Variants in LHX1 observed in about 807,000 individuals in gnomAD.
LHX1 encodes the protein LIM homeobox 1, also known as LIM/homeobox protein Lhx1.
In LHX1, 9 loss-of-function variants were observed where a neutral mutation model predicts 34.1. The observed-to-expected ratio is 0.26, with a 90% CI of 0.16 to 0.46. LHX1 has a LOEUF of 0.46. Among genes scored for constraint, LHX1 ranks in the 20% least tolerant of loss-of-function variants. The pLI is 1.00. For missense variants in LHX1, 446 were observed against 559.1 expected, an observed-to-expected ratio of 0.80 and a Z score of 2.04; for synonymous variants, 254 against 241.5, an observed-to-expected ratio of 1.05 and a Z score of -0.48.
chr17:36,943,467 G>C lies in LHX1; in HGVS notation c.*336G>C, dbSNP rs1441941992. The C allele has an allele frequency of 3.6e-6, 1 of 274,370 alleles. No individual in the cohort carries two copies. The highest frequency in any genetic ancestry group is 6.8e-6 in the Non-Finnish European group (1 of 147,276). 17.0% of individuals were successfully genotyped at this position (274,370 alleles called of 1,614,324 possible). A position where few individuals can be genotyped will look rare whatever the true frequency, so the allele number is the denominator to read the frequency against. ...CCTGGCAGGCGGGCGGCGAAAAGACGTCCAGGGCAGCCGCGGGTGCGCACA... is the reference window on the plus strand; with the variant it reads ...CCTGGCAGGCGGGCGGCGAAAAGACCTCCAGGGCAGCCGCGGGTGCGCACA... On this transcript the variant is annotated 3_prime_UTR_variant, in exon 5 of 5. Coordinates refer to ENST00000614239, the MANE Select transcript of LHX1 (RefSeq NM_005568.5).
intron 1 of LHX1, 88 bp downstream of exon 1, chr17:36,938,455 T>C: frequency 2.2e-6 from 3 of 1,381,018 alleles, no homozygotes; most frequent in Non-Finnish European, 3.1e-6. Flanking sequence ...GTGGCCTCGC[T>C]GCCCAGTTAG....
chr17:36,937,228 G>T (rs1216849321), upstream of LHX1: 2 of 453,072 alleles, frequency 4.4e-6, no homozygotes, highest in Non-Finnish European at 8.9e-6. Flanking sequence ...CTGGAGCCAC[G>T]ATGCACGGCC....
chr17:36,942,384 G>C lies in LHX1; in HGVS notation c.841+19G>C. 2.6e-6 allele frequency: 4 copies of C among 1,567,172 alleles called. No individual in the cohort carries two copies. Among genetic ancestry groups the C allele is most frequent in the Non-Finnish European group, 3.5e-6 (4 of 1,157,102 alleles). ...TACGGAGGTGGGTGCGCGCCGAATG[G>C]CGGGGCGCGGCCAGGTCGGGGCGGG... is the stretch of plus-strand genomic sequence containing the variant. On this transcript the variant is annotated intron_variant, in intron 4 of 4. Transcript: ENST00000614239.
Position 36,940,285 on chromosome 17 carries a change from C to T in LHX1, c.171-5C>T. ...CCCCCGCCCCCCACCCCCACCCCCCCGCAGGTGTTTCGGTACCAAATGCGC... is the reference window on the plus strand; with the variant it reads ...CCCCCGCCCCCCACCCCCACCCCCCTGCAGGTGTTTCGGTACCAAATGCGC... On this transcript the variant is annotated splice_polypyrimidine_tract_variant and splice_region_variant and intron_variant, in intron 1 of 4. Transcript: ENST00000614239. 2 of 1,339,892 alleles carry T rather than the reference C, an allele frequency of 1.5e-6. No homozygotes were observed. The highest frequency in any genetic ancestry group is 2.1e-6 in the Non-Finnish European group (2 of 975,142). The allele number at this position is 1,339,892 out of a possible 1,614,324, so 83.0% of individuals were successfully genotyped here.
intron 1 of LHX1, chr17:36,938,590 T>A (rs2070744802): frequency 3.2e-6 from 2 of 633,434 alleles, no homozygotes; most frequent in South Asian, 1.8e-5. Flanking sequence ...TTTGGCTGCA[T>A]GTGCCTGGGA....
At chr17:36,942,514 G>A in intron 4 of LHX1, 149 bp downstream of exon 4, 4 of 961,250 alleles carry the variant, frequency 4.2e-6, no homozygotes, top group Non-Finnish European at 6.1e-6. Flanking sequence ...ATCAAGGGGA[G>A]GCGGCGAGAC....
chr17:36,940,732 C>A lies in LHX1; in HGVS notation c.520C>A (p.Gln174Lys), dbSNP rs755972632. ...AGCGGGTAGCAACGAGAATGACGACCAGAACCTGGGCGCCAAGCGGCGGGG... is the reference window on the plus strand; with the variant it reads ...AGCGGGTAGCAACGAGAATGACGACAAGAACCTGGGCGCCAAGCGGCGGGG... Reference protein sequence around the residue: ...KEAGSNENDDQNLGAKRRGPR... With the variant: ...KEAGSNENDDKNLGAKRRGPR... Residue 174 changes from glutamine to lysine, a missense_variant, in exon 3 of 5, where the codon CAG becomes AAG. By Grantham distance (53) the Gln-to-Lys change is moderately conservative (BLOSUM62 1). Around this residue, in one of 3 missense-constraint regions of LHX1, gnomAD observed 168 missense variants for 226.6 expected, o/e 0.74. Transcript: ENST00000614239. 6.2e-6 allele frequency: 10 copies of A among 1,613,642 alleles called. No individual in the cohort carries two copies. Among genetic ancestry groups the A allele is most frequent in the Non-Finnish European group, 8.5e-6 (10 of 1,180,058 alleles).
intron 3 of LHX1, chr17:36,941,406 C>A (rs1045862213): frequency 6.0e-6 from 2 of 330,758 alleles, no homozygotes; most frequent in East Asian, 8.2e-5. Context: ...CTGCTTCCAG[C>A]GGGTTGGAGT....
intron 3 of LHX1, chr17:36,941,412 G>A: frequency 3.0e-6 from 1 of 332,538 alleles, no homozygotes; most frequent in South Asian, 2.4e-5. Flanking sequence ...CCAGCGGGTT[G>A]GAGTGAAATT....
Position 36,938,518 on chromosome 17 carries a change from A to G in LHX1, c.170+151A>G, listed in dbSNP as rs921915511. On this transcript the variant is annotated intron_variant, in intron 1 of 4. Transcript: ENST00000614239. ...TCCCGCGGGCGCCCGCCTCTCCGCC[A>G]GCTGGCGCGCTGGGAGCCCGGGACG... The G allele has an allele frequency of 1.2e-3, 925 of 781,080 alleles. 5 individuals carry two copies. The highest frequency in any genetic ancestry group is 3.4e-4 in the Middle Eastern group (1 of 2,924). 48.4% of individuals were successfully genotyped at this position (781,080 alleles called of 1,614,324 possible).
Position 36,943,102 on chromosome 17 carries a change from C to T in LHX1, c.1192C>T (p.Pro398Ser), listed in dbSNP as rs915270470. ...CTACGGAAACCACCTGTCCCACCCCCCCGAAATGAACGAGGCGGCCGTGTG... is the reference window on the plus strand; with the variant it reads ...CTACGGAAACCACCTGTCCCACCCCTCCGAAATGAACGAGGCGGCCGTGTG... ...ASYGNHLSHP[P>S]EMNEAAVW is the part of the protein sequence containing the mutation. The change falls in exon 5 of 5, where the codon CCC becomes TCC. Residue 398 changes from proline (P) to serine (S), a missense_variant. Physicochemically the swap from Pro to Ser is moderately conservative, Grantham distance 74. This residue lies in a region of LHX1 where 235 missense variants were observed against 224.4 expected (regional missense o/e 1.05). Coordinates refer to ENST00000614239, the MANE Select transcript of LHX1 (RefSeq NM_005568.5). The T allele has an allele frequency of 9.9e-6, 16 of 1,612,260 alleles. No individual in the cohort carries two copies. In the Admixed American group the frequency reaches 2.7e-4, roughly 27 times the overall value.
chr17:36,939,626 C>T (rs1358804553), intron 1 of LHX1, among the ~76,000 whole-genome samples: 1 of 152,256 alleles, frequency 6.6e-6, no homozygotes, highest in Non-Finnish European at 1.5e-5. Flanking sequence ...GGTCCCTGAG[C>T]CTGGCTTCCA....
At chr17:36,936,870 G>T (rs1331225366), upstream of LHX1, 1 of 210,956 alleles carries the variant, frequency 4.7e-6, no homozygotes, top group East Asian at 1.9e-4. Flanking sequence ...GGGACTGAGG[G>T]ACGCGCCCGG....
upstream of LHX1, chr17:36,937,187 G>A (rs1423977808): frequency 4.4e-6 from 2 of 453,046 alleles, no homozygotes; most frequent in Non-Finnish European, 8.9e-6. Flanking sequence ...AGCGATGCGG[G>A]GCTGTGCGCC....
At chr17:36,941,760 G>A (rs1178036398) in intron 3 of LHX1, among the ~76,000 whole-genome samples, 1 of 152,220 alleles carries the variant, frequency 6.6e-6, no homozygotes, top group African/African-American at 2.4e-5. Flanking sequence ...GGAGATTGTA[G>A]GTTTTGGTAT....
At chr17:36,937,456 G>A (rs1277783762), upstream of LHX1, 1 of 321,914 alleles carries the variant, frequency 3.1e-6, no homozygotes, top group African/African-American at 2.3e-5. Flanking sequence ...GGAAACCTAA[G>A]CAACAACAGC....
intron 3 of LHX1, chr17:36,941,305 A>G (rs575360549): frequency 1.0e-5 from 4 of 386,292 alleles, no homozygotes; most frequent in Non-Finnish European, 2.0e-5. Flanking sequence ...TAAGTCTGCA[A>G]CTCCAACTTT....
chr17:36,942,480 G>A, intron 4 of LHX1, 115 bp downstream of exon 4: 2 of 1,153,492 alleles, frequency 1.7e-6, no homozygotes, highest in Non-Finnish European at 2.5e-6. Flanking sequence ...GAGTTGGGGC[G>A]AGTAGGGAGA....
At chr17:36,939,421 G>C (rs377374975) in intron 1 of LHX1, among the ~76,000 whole-genome samples, 1 of 152,214 alleles carries the variant, frequency 6.6e-6, no homozygotes, top group South Asian at 2.1e-4. Flanking sequence ...GCCAAGACGC[G>C]CTGTCCCCAG....
Sources: gnomAD v4.1 joint callset for allele counts (sites outside exome capture counted in the v4.1 genomes callset) on GRCh38, gnomAD v4.1.1 for gene constraint, gnomAD v4.1.1 regional missense constraint, MANE v1.5 for transcripts, NCBI Gene and HGNC (gene_info 2026-07-23, HGNC 2026-07-21) for gene names.